The following FANK1 variants were observed in gnomAD, a reference collection of about 807,000 sequenced individuals.
FANK1 encodes fibronectin type III and ankyrin repeat domains 1, also known as fibronectin type 3 and ankyrin repeat domains protein 1.
Under a neutral mutation model 45.3 loss-of-function variants are expected in FANK1, and 44 were observed. The observed-to-expected ratio is 0.97, with a 90% CI of 0.76 to 1.25. The LOEUF is 1.25. Among genes scored for constraint, FANK1 ranks in the 50% most tolerant of loss-of-function variants. The pLI, the probability that FANK1 is intolerant of heterozygous loss-of-function variation, is 0.00. For synonymous variants in FANK1, 149 were observed against 152.5 expected (o/e 0.98, Z 0.17); for missense variants, 391 against 424.4 (o/e 0.92, Z 0.69).
chr10:125,987,362 CT>C (rs1223502875), intron 2 of FANK1, among the ~76,000 whole-genome samples: 3 of 151,614 alleles, frequency 2.0e-5, no homozygotes. Context: ...ATTCTGGTAT[CT>C]TTGGAGGATC....
intron 1 of FANK1, among the ~76,000 whole-genome samples, chr10:125,902,979 T>TAAA (rs1564849707): frequency 1.8e-4 from 27 of 152,358 alleles, no homozygotes; most frequent in Admixed American, 7.2e-4. Context: ...GCAGTGTCTT[T>TAAA]TAAACAGTCA....
intron 1 of FANK1, among the ~76,000 whole-genome samples, chr10:125,916,831 C>T (rs1946482008): frequency 6.6e-6 from 1 of 152,178 alleles, no homozygotes; most frequent in Non-Finnish European, 1.5e-5. Flanking sequence ...ACAGGAAGAA[C>T]ACTCTGACCT....
At chr10:125,997,095 C>T (rs1343071327) in intron 5 of FANK1, among the ~76,000 whole-genome samples, 1 of 152,138 alleles carries the variant, frequency 6.6e-6, no homozygotes, top group Non-Finnish European at 1.5e-5. Context: ...AATGCATCTT[C>T]ATTACATGCT....
chr10:125,945,507 CG>C, intron 1 of FANK1, among the ~76,000 whole-genome samples: 1 of 152,168 alleles, frequency 6.6e-6, no homozygotes, highest in Non-Finnish European at 1.5e-5. Context: ...CCTGGAAAAT[CG>C]GGTCACTCCC....
chr10:125,986,065 C>T (rs541173940), intron 2 of FANK1, among the ~76,000 whole-genome samples: 35 of 152,188 alleles, frequency 2.3e-4, no homozygotes, highest in Non-Finnish European at 4.1e-4. Context: ...GAACTAGACT[C>T]TAACTCTGGC....
chr10:125,937,310 T>C (rs1948168591), intron 1 of FANK1, among the ~76,000 whole-genome samples: 1 of 152,226 alleles, frequency 6.6e-6, no homozygotes, highest in Non-Finnish European at 1.5e-5. Flanking sequence ...GATCTCACTG[T>C]TCCATCTCTT....
chr10:125,961,471 T>A (rs891023121), intron 1 of FANK1, among the ~76,000 whole-genome samples: 5 of 152,090 alleles, frequency 3.3e-5, no homozygotes, highest in African/African-American at 1.2e-4. Context: ...ATCTCTTCAA[T>A]AAGTGATGCT....
chr10:125,976,468 CTT>C (rs1225783719), intron 1 of FANK1, among the ~76,000 whole-genome samples: 1 of 152,148 alleles, frequency 6.6e-6, no homozygotes, highest in East Asian at 1.9e-4. Flanking sequence ...GATTTGGCCT[CTT>C]TACATAATCC....
intron 7 of FANK1, among the ~76,000 whole-genome samples, chr10:126,006,744 C>G (rs1053476241): frequency 2.0e-5 from 3 of 152,146 alleles, no homozygotes; most frequent in African/African-American, 7.2e-5. Flanking sequence ...CCTGTAATCC[C>G]AGCTATTAGG....
chr10:126,005,074 C>T (rs752396399), intron 7 of FANK1, 25 bp downstream of exon 7: 27 of 1,589,516 alleles, frequency 1.7e-5, no homozygotes, highest in East Asian at 4.5e-5. Flanking sequence ...TTGTTAACCA[C>T]GCACATATCG....
rs528511846 is a variant in FANK1 at position 125,983,741 on chromosome 10, A to G, written c.191+3403A>G. Among the ~76,000 whole-genome samples, 23 of 152,264 alleles carry G rather than the reference A, an allele frequency of 1.5e-4. No homozygotes were observed. In the South Asian group the frequency reaches 2.9e-3, roughly 19 times the overall value. ...GGGGCGAGGGCAGCTGGGTCATGAGAGGTCACTGCCTGGGCCTTGAGGGTT... is the reference window on the plus strand; with the variant it reads ...GGGGCGAGGGCAGCTGGGTCATGAGGGGTCACTGCCTGGGCCTTGAGGGTT... On this transcript the variant is annotated intron_variant, in intron 2 of 10. Transcript: ENST00000368693. This position sits in a 1 kb window ranked among gnomAD's most constrained non-coding sequence, Gnocchi z 4.3.
At chr10:125,984,027 G>A (rs780881877) in intron 2 of FANK1, among the ~76,000 whole-genome samples, 2 of 152,312 alleles carry the variant, frequency 1.3e-5, no homozygotes, top group South Asian at 2.1e-4. Context: ...TTAAGAACTT[G>A]GTGGTGGACC....
intron 2 of FANK1, 50 bp downstream of exon 2, chr10:125,980,388 C>A: frequency 6.4e-7 from 1 of 1,558,524 alleles, no homozygotes; most frequent in Non-Finnish European, 8.7e-7. Flanking sequence ...TCCTGATTAG[C>A]TGGAATGATT....
At position 125,905,130 on chromosome 10, in the gene FANK1, C is replaced by CAAAA. The variant is rs11289535; in HGVS notation, c.13+8492_13+8495dup. Reference sequence around the variant, plus strand: ...CAGGTGACAGAGCGAGACTCTGTCCCAAAAAAAAAAAAAAAAAAAACAAAA... The same window carrying CAAAA: ...CAGGTGACAGAGCGAGACTCTGTCCCAAAAAAAAAAAAAAAAAAAAAAAACAAAA... On this transcript the variant is annotated intron_variant, in intron 1 of 10. Transcript: ENST00000368693. Among the ~76,000 whole-genome samples, 76 of 68,138 alleles carry CAAAA rather than the reference C, an allele frequency of 1.1e-3. 2 individuals carry two copies. The highest frequency in any genetic ancestry group is 2.6e-3 in the Admixed American group (14 of 5,396). 44.7% of individuals were successfully genotyped at this position (68,138 alleles called of 152,430 possible). A position where few individuals can be genotyped will look rare whatever the true frequency, so the allele number is the denominator to read the frequency against.
intron 1 of FANK1, among the ~76,000 whole-genome samples, chr10:125,940,201 C>T (rs556207128): frequency 3.9e-5 from 6 of 151,980 alleles, no homozygotes; most frequent in African/African-American, 7.3e-5. Flanking sequence ...CCCAGGAGAC[C>T]GGTGCTCAGC....
chr10:125,954,019 G>C (rs1045628025), intron 1 of FANK1, among the ~76,000 whole-genome samples: 1 of 148,092 alleles, frequency 6.8e-6, no homozygotes, highest in East Asian at 2.0e-4. Context: ...CACACCGAAC[G>C]AAGGAGGGAA....
chr10:125,945,543 C>T (rs76656000), intron 1 of FANK1, among the ~76,000 whole-genome samples: 2,979 of 152,238 alleles, frequency 0.02, 97 homozygotes, highest in African/African-American at 0.068. Flanking sequence ...CTTTTCAGAC[C>T]GGCTTAAAAA....
intron 1 of FANK1, among the ~76,000 whole-genome samples, chr10:125,927,310 G>C (rs1186894809): frequency 6.6e-6 from 1 of 152,134 alleles, no homozygotes; most frequent in Non-Finnish European, 1.5e-5. Context: ...CTCCTATTCT[G>C]ACTTTTTACA....
At chr10:125,958,960 A>G (rs1050222972) in intron 1 of FANK1, among the ~76,000 whole-genome samples, 3 of 152,194 alleles carry the variant, frequency 2.0e-5, no homozygotes, top group Non-Finnish European at 2.9e-5. Context: ...TGTCTTCTGA[A>G]AGCCCCAAAT....
Sources: gnomAD v4.1 joint callset for allele counts (sites outside exome capture counted in the v4.1 genomes callset) on GRCh38, gnomAD v4.1.1 for gene constraint, Gnocchi (gnomAD v3.1) non-coding constraint, MANE v1.5 for transcripts, NCBI Gene and HGNC (gene_info 2026-07-23, HGNC 2026-07-21) for gene names.